CALN1: variants seen among roughly 807,000 people sequenced by gnomAD.
CALN1 encodes the protein calcium-binding protein 8.
CALN1 carries 17 observed loss-of-function variants against 30.6 expected under a neutral mutation model. The ratio of observed to expected loss-of-function variants is 0.56; its 90% CI spans 0.38 to 0.83. The LOEUF (loss-of-function observed/expected upper bound fraction) is 0.83. Among genes scored for constraint, CALN1 ranks in the 40% least tolerant of loss-of-function variants. The pLI, the probability that CALN1 is intolerant of heterozygous loss-of-function variation, is 0.00. For synonymous variants in CALN1, 156 were observed against 131.4 expected (o/e 1.19, Z -1.28); for missense variants, 291 against 354.9 (o/e 0.82, Z 1.45).
intron 5 of CALN1, among the ~76,000 whole-genome samples, chr7:71,928,194 A>G (rs924607024): frequency 6.6e-6 from 1 of 151,602 alleles, no homozygotes; most frequent in African/African-American, 2.4e-5. Context: ...CATGGAGAAT[A>G]CCCTGTAAGT....
At chr7:72,295,417 G>C (rs527877279) in intron 2 of CALN1, among the ~76,000 whole-genome samples, 1 of 152,214 alleles carries the variant, frequency 6.6e-6, no homozygotes, top group South Asian at 2.1e-4. Flanking sequence ...TTGGTAGCTT[G>C]ATGGGGATGG....
chr7:72,120,663 C>A (rs949315702), intron 3 of CALN1, among the ~76,000 whole-genome samples: 33 of 152,258 alleles, frequency 2.2e-4, no homozygotes, highest in Non-Finnish European at 1.5e-4. Context: ...CCTCTGCTTC[C>A]CATGAATTTC....
intron 2 of CALN1, among the ~76,000 whole-genome samples, chr7:72,357,001 A>G (rs1349552431): frequency 6.6e-6 from 1 of 151,962 alleles, no homozygotes; most frequent in Non-Finnish European, 1.5e-5. Flanking sequence ...CAAGAAGTGG[A>G]GACTTCCAGG....
the CALN1 span, among the ~76,000 whole-genome samples, chr7:72,482,488 T>C: frequency 4.3e-3 from 656 of 152,270 alleles, 6 homozygotes; most frequent in African/African-American, 0.014. Context: ...TTTTCTTTTA[T>C]TCCATTTAAT....
intron 4 of CALN1, among the ~76,000 whole-genome samples, chr7:72,052,857 T>C (rs577368365): frequency 7.9e-5 from 12 of 152,030 alleles, no homozygotes; most frequent in Non-Finnish European, 1.8e-4. Context: ...TGGCCAGGTG[T>C]GGTGGCTCAC....
In CALN1 at chr7:71,788,490, TG is replaced by T. The variant is rs371250170; in HGVS notation, c.659-589del. Among the ~76,000 whole-genome samples, 123 of 130,834 alleles carry T rather than the reference TG, an allele frequency of 9.4e-4. 11 individuals carry two copies. The East Asian group carries it at 0.012, about 13-fold the overall frequency. The allele number at this position is 130,834 out of a possible 152,430, so 85.8% of individuals were successfully genotyped here. A position where few individuals can be genotyped will look rare whatever the true frequency, so the allele number is the denominator to read the frequency against. On this transcript the variant is annotated intron_variant, in intron 6 of 6. Transcript: ENST00000395275. ...CCATTACTAAGAGGTTTTTTTTTGTTGTTTTTTTTTTTTTTTTTAGAGAAAG... is the reference window on the plus strand; with the variant it reads ...CCATTACTAAGAGGTTTTTTTTTGTTTTTTTTTTTTTTTTTTTAGAGAAAG...
intron 5 of CALN1, among the ~76,000 whole-genome samples, chr7:71,824,073 C>A (rs1788766609): frequency 1.3e-5 from 2 of 152,098 alleles, no homozygotes; most frequent in African/African-American, 2.4e-5. Context: ...GGGGACACAG[C>A]CACACCATAT....
At chr7:72,155,990 C>T (rs1283011332) in intron 3 of CALN1, among the ~76,000 whole-genome samples, 1 of 152,136 alleles carries the variant, frequency 6.6e-6, no homozygotes, top group Admixed American at 6.6e-5. Flanking sequence ...ATTAAACCCA[C>T]TCAGATACTC....
chr7:72,201,046 G>A (rs1469688771), intron 3 of CALN1, among the ~76,000 whole-genome samples: 1 of 152,186 alleles, frequency 6.6e-6, no homozygotes, highest in Non-Finnish European at 1.5e-5. Flanking sequence ...CCCATCAACA[G>A]TGGATTGGAT....
rs559073265 is a variant in CALN1, at chr7:72,011,489, C to G, written c.501+12168G>C. On this transcript the variant is annotated intron_variant, in intron 5 of 6. Coordinates refer to ENST00000395275, the MANE Select transcript of CALN1 (RefSeq NM_031468.4). ...CCTGAAGCACAGGAAGACCCCTGTTCCCTCTCCTGAACCTGCCTTTGATCA... is the reference window on the plus strand; with the variant it reads ...CCTGAAGCACAGGAAGACCCCTGTTGCCTCTCCTGAACCTGCCTTTGATCA... Among the ~76,000 whole-genome samples, 64 of 152,294 alleles carry G rather than the reference C, an allele frequency of 4.2e-4. 1 individual carries two copies. The highest frequency in any genetic ancestry group is 3.4e-3 in the Admixed American group (52 of 15,304).
chr7:72,496,834 G>A, the CALN1 span, among the ~76,000 whole-genome samples: 7 of 152,262 alleles, frequency 4.6e-5, no homozygotes, highest in African/African-American at 1.2e-4. Flanking sequence ...AGCTGTGATC[G>A]CACCACTGTA....
intron 2 of CALN1, among the ~76,000 whole-genome samples, chr7:72,360,026 G>A (rs1473900766): frequency 7.0e-6 from 1 of 143,208 alleles, no homozygotes; most frequent in Non-Finnish European, 1.5e-5. Flanking sequence ...AAATGTGAAT[G>A]TCCCAAAATA....
intron 2 of CALN1, among the ~76,000 whole-genome samples, chr7:72,301,329 C>CG (rs1799245341): frequency 6.6e-6 from 1 of 151,812 alleles, no homozygotes; most frequent in African/African-American, 2.4e-5. Flanking sequence ...GCAAGCAGGC[C>CG]GGGCTGGGTG....
intron 2 of CALN1, among the ~76,000 whole-genome samples, chr7:72,289,983 T>G (rs1010473357): frequency 1.3e-5 from 2 of 149,024 alleles, no homozygotes; most frequent in Non-Finnish European, 3.0e-5. Context: ...GAGGCTGAGG[T>G]TGGAGAATCG....
At chr7:71,855,989 A>T (rs1790924358) in intron 5 of CALN1, among the ~76,000 whole-genome samples, 1 of 152,140 alleles carries the variant, frequency 6.6e-6, no homozygotes, top group Non-Finnish European at 1.5e-5. Flanking sequence ...ACACACACAT[A>T]CATATACATA....
chr7:72,083,553 C>T (rs1361620533), intron 4 of CALN1, among the ~76,000 whole-genome samples: 1 of 151,922 alleles, frequency 6.6e-6, no homozygotes, highest in Non-Finnish European at 1.5e-5. Flanking sequence ...CACTGCACTT[C>T]AGCCTGGGTG....
At chr7:72,409,732 G>A (rs577432044) in intron 1 of CALN1, among the ~76,000 whole-genome samples, 1 of 152,184 alleles carries the variant, frequency 6.6e-6, no homozygotes, top group South Asian at 2.1e-4. Context: ...GGGTTAAATG[G>A]TTTTTAGCCT....
chr7:72,132,222 A>G (rs1249537160), intron 3 of CALN1, among the ~76,000 whole-genome samples: 1 of 152,146 alleles, frequency 6.6e-6, no homozygotes, highest in Non-Finnish European at 1.5e-5. Flanking sequence ...ACTGAACATC[A>G]TCCCTTAGTC....
At chr7:71,943,022 C>G (rs555357786) in intron 5 of CALN1, among the ~76,000 whole-genome samples, 2 of 152,148 alleles carry the variant, frequency 1.3e-5, no homozygotes, top group African/African-American at 4.8e-5. Context: ...CTTTCCAGAC[C>G]GAACCAATGT....
Sources: allele counts gnomAD v4.1 joint callset (sites outside exome capture counted in the v4.1 genomes callset), GRCh38; gene constraint gnomAD v4.1.1; transcripts MANE v1.5; gene names NCBI Gene and HGNC (gene_info 2026-07-23, HGNC 2026-07-21).